DNAI4: variants seen among roughly 807,000 people sequenced by gnomAD.
DNAI4 encodes the protein WD repeat domain 78.
In DNAI4, 85 loss-of-function variants were observed where a neutral mutation model predicts 105.8. That is an observed-to-expected ratio of 0.80 (90% confidence interval 0.67 to 0.96). The LOEUF is 0.96. DNAI4 is among the 40% of genes least tolerant of loss of function. The pLI is 0.00. For missense variants in DNAI4, 1,014 were observed against 1,005.6 expected (o/e 1.01, Z -0.11); for synonymous variants, 352 against 331.5 (o/e 1.06, Z -0.67).
chr1:66,924,802 C>T lies in DNAI4; in HGVS notation c.30G>A (p.Ser10=). MTPGKHSGA[S]ARAANGGAWG... is the part of the protein sequence containing the mutation. ...AAGCTCCTCCGTTAGCGGCTCGGGC[C>T]GAGGCTCCGGAATGTTTGCCGGGCG... The change falls in exon 1 of 17, where the codon TCG becomes TCA. Residue 10 remains serine (S), a synonymous_variant. Coordinates refer to ENST00000371026, the MANE Select transcript of DNAI4 (RefSeq NM_024763.5). The T allele has an allele frequency of 1.2e-6, 2 of 1,614,104 alleles. 1 individual carries two copies. Among genetic ancestry groups the T allele is most frequent in the South Asian group, 2.2e-5 (2 of 91,080 alleles).
At chr1:66,912,847 T>C (rs940549350) in intron 1 of DNAI4, among the ~76,000 whole-genome samples, 5 of 152,212 alleles carry the variant, frequency 3.3e-5, no homozygotes, top group African/African-American at 9.6e-5. Context: ...GTTAACAGCA[T>C]GAGCTAACTT....
intron 7 of DNAI4, among the ~76,000 whole-genome samples, chr1:66,859,355 G>A (rs937081144): frequency 1.5e-4 from 22 of 150,272 alleles, no homozygotes; most frequent in African/African-American, 4.2e-4. Flanking sequence ...GCTAATGGAT[G>A]CAAAATAGTA....
intron 6 of DNAI4, among the ~76,000 whole-genome samples, chr1:66,867,664 C>T (rs934388235): frequency 6.6e-6 from 1 of 152,126 alleles, no homozygotes; most frequent in African/African-American, 2.4e-5. Context: ...ACTACCTACT[C>T]TGCCATTTTT....
At chr1:66,924,046 T>C (rs1425659755) in intron 1 of DNAI4, among the ~76,000 whole-genome samples, 1 of 152,236 alleles carries the variant, frequency 6.6e-6, no homozygotes, top group Non-Finnish European at 1.5e-5. Flanking sequence ...CTGAGGCTCT[T>C]GAACGTCTGG....
intron 7 of DNAI4, among the ~76,000 whole-genome samples, chr1:66,850,265 C>T (rs1557924308): frequency 6.6e-6 from 1 of 151,696 alleles, no homozygotes; most frequent in East Asian, 1.9e-4. Flanking sequence ...AAAAAAGTGG[C>T]ACACATTCTC....
At chr1:66,886,119 G>A (rs190690104) in intron 4 of DNAI4, among the ~76,000 whole-genome samples, 40 of 152,182 alleles carry the variant, frequency 2.6e-4, no homozygotes, top group African/African-American at 9.6e-4. Flanking sequence ...ACCCTGTGAA[G>A]TCAATGGGGC....
At chr1:66,820,239 T>C (rs1240917126) in intron 16 of DNAI4, among the ~76,000 whole-genome samples, 2 of 118,914 alleles carry the variant, frequency 1.7e-5, no homozygotes, top group Non-Finnish European at 1.9e-5. Flanking sequence ...AGAAAACCAA[T>C]GCATTTTGCA....
intron 1 of DNAI4, among the ~76,000 whole-genome samples, chr1:66,911,581 T>A (rs201502695): frequency 6.6e-6 from 1 of 152,182 alleles, no homozygotes; most frequent in South Asian, 2.1e-4. Flanking sequence ...CTCATTAGCA[T>A]ACAAAAAGAC....
intron 4 of DNAI4, among the ~76,000 whole-genome samples, chr1:66,886,266 A>C (rs894103844): frequency 3.9e-5 from 6 of 152,188 alleles, no homozygotes; most frequent in South Asian, 2.1e-4. Flanking sequence ...AGATCTCTTA[A>C]CATATTAATC....
intron 2 of DNAI4, among the ~76,000 whole-genome samples, chr1:66,900,716 A>C (rs929905748): frequency 6.6e-6 from 1 of 152,202 alleles, no homozygotes; most frequent in African/African-American, 2.4e-5. Context: ...ATGTGTCTAG[A>C]AATACAATTC....
At chr1:66,869,906 C>A (rs561686801) in intron 6 of DNAI4, among the ~76,000 whole-genome samples, 3 of 152,278 alleles carry the variant, frequency 2.0e-5, no homozygotes, top group African/African-American at 7.2e-5. Flanking sequence ...TCAAGTAAGT[C>A]ATACCTCCAC....
Position 66,908,825 on chromosome 1 carries a change from T to C in DNAI4, c.171-3450A>G, listed in dbSNP as rs750723013. On this transcript the variant is annotated intron_variant, in intron 1 of 16. Coordinates refer to ENST00000371026, the MANE Select transcript of DNAI4 (RefSeq NM_024763.5). ...TACTACACTCTTTAAGGCTATCTTA[T>C]ACCTTCTCTTTCTTCAAATATGAAA... Among the ~76,000 whole-genome samples the C allele has an allele frequency of 9.3e-4, 141 of 152,326 alleles. 1 individual carries two copies. The highest frequency in any genetic ancestry group is 1.7e-3 in the Non-Finnish European group (114 of 68,024).
intron 7 of DNAI4, among the ~76,000 whole-genome samples, chr1:66,850,882 TA>T (rs955446586): frequency 1.3e-5 from 2 of 151,292 alleles, no homozygotes; most frequent in South Asian, 2.1e-4. Flanking sequence ...AGCAGAATGG[TA>T]AAAAAAATGT....
chr1:66,923,583 A>G (rs1650745427), intron 1 of DNAI4, among the ~76,000 whole-genome samples: 1 of 152,220 alleles, frequency 6.6e-6, no homozygotes, highest in Non-Finnish European at 1.5e-5. Flanking sequence ...TGCTTCATTC[A>G]AAAAGAATGA....
intron 7 of DNAI4, among the ~76,000 whole-genome samples, chr1:66,855,365 C>A (rs1316778433): frequency 6.6e-6 from 1 of 152,226 alleles, no homozygotes; most frequent in Non-Finnish European, 1.5e-5. Flanking sequence ...CTTCTGAGAT[C>A]TGTGAGTATA....
intron 1 of DNAI4, among the ~76,000 whole-genome samples, chr1:66,917,180 T>G (rs1163311788): frequency 1.3e-5 from 2 of 152,246 alleles, no homozygotes; most frequent in Non-Finnish European, 2.9e-5. Context: ...TAAATGTTAT[T>G]GGTATGTGTT....
At chr1:66,868,087 T>C (rs1646769467) in intron 6 of DNAI4, among the ~76,000 whole-genome samples, 1 of 152,238 alleles carries the variant, frequency 6.6e-6, no homozygotes, top group African/African-American at 2.4e-5. Context: ...TATGATTTTG[T>C]AATGATGAAT....
In DNAI4 at chr1:66,914,924, T is replaced by C. The variant is rs554046808; in HGVS notation, c.171-9549A>G. The stretch of plus-strand genomic sequence containing the variant: ...CTTTTTCGAGTTTATGTAACTTAAG[T>C]AAAATCTTTAATAAATAAGCTAGCT... On this transcript the variant is annotated intron_variant, in intron 1 of 16. Coordinates refer to ENST00000371026, the MANE Select transcript of DNAI4 (RefSeq NM_024763.5). Among the ~76,000 whole-genome samples, 8 of 152,302 alleles carry C rather than the reference T, an allele frequency of 5.3e-5. No individual in the cohort carries two copies. In the East Asian group the frequency reaches 1.5e-3, roughly 29 times the overall value.
At chr1:66,851,324 T>C (rs1646392758) in intron 7 of DNAI4, among the ~76,000 whole-genome samples, 1 of 151,786 alleles carries the variant, frequency 6.6e-6, no homozygotes, top group South Asian at 2.1e-4. Flanking sequence ...AACAAGGCTA[T>C]AAAATATGTA....
Sources: gnomAD v4.1 joint callset for allele counts (sites outside exome capture counted in the v4.1 genomes callset) on GRCh38, gnomAD v4.1.1 for gene constraint, MANE v1.5 for transcripts, NCBI Gene and HGNC (gene_info 2026-07-23, HGNC 2026-07-21) for gene names.